The following PSME4 variants were observed in gnomAD, a reference collection of about 807,000 sequenced individuals.
PSME4 encodes the protein proteasome activator complex subunit 4.
In PSME4, 89 loss-of-function variants were observed where a neutral mutation model predicts 253.9. That is an observed-to-expected ratio of 0.35 (90% confidence interval 0.30 to 0.42). PSME4 has a LOEUF of 0.42. Among genes scored for constraint, PSME4 ranks in the 10% least tolerant of loss-of-function variants. PSME4 has a pLI of 1.00. For synonymous variants in PSME4, 851 were observed against 759.2 expected, an observed-to-expected ratio of 1.12 and a Z score of -1.99; for missense variants, 2,014 against 2,195.2, an observed-to-expected ratio of 0.92 and a Z score of 1.65.
chr2:53,919,381 C>A, intron 19 of PSME4, 135 bp from the exon 20 acceptor site: 1 of 1,205,846 alleles, frequency 8.3e-7, no homozygotes, highest in Non-Finnish European at 1.1e-6. Context: ...TTCAGTTTAC[C>A]AACTTAACAG....
chr2:53,866,319 C>T, intron 45 of PSME4, 96 bp from the exon 46 acceptor site: 2 of 1,320,970 alleles, frequency 1.5e-6, no homozygotes, highest in Non-Finnish European at 2.1e-6. Flanking sequence ...CTCTAGACTT[C>T]AGATCTCACA....
rs755914862 is a variant in PSME4, at chr2:53,866,127, G to C, written c.5494C>G (p.Leu1832Val). 1.2e-6 allele frequency: 2 copies of C among 1,613,328 alleles called. No homozygotes were observed. The highest frequency in any genetic ancestry group is 2.2e-5 in the East Asian group (1 of 44,870). ...CATGGTGACACAAGAAGATCGGTGA[G>C]AACAAGCAGTTGGTCATCAGTGAAT... ...QQFTDDQLLV[L>V]TDLLVSPCYY... Residue 1832 changes from leucine to valine, a missense_variant, in exon 46 of 47, where the codon CTC (leucine) becomes GTC (valine). Around this residue, in one of 4 missense-constraint regions of PSME4, gnomAD observed 403 missense variants for 556.1 expected, o/e 0.72. Transcript: ENST00000404125.
intron 3 of PSME4, among the ~76,000 whole-genome samples, chr2:53,947,266 T>C (rs546120648): frequency 7.2e-5 from 11 of 152,304 alleles, no homozygotes; most frequent in South Asian, 4.1e-4. Context: ...GGGTTAATCA[T>C]AGATTAAATG....
intron 2 of PSME4, 114 bp downstream of exon 2, chr2:53,949,029 T>A: frequency 7.5e-7 from 1 of 1,339,416 alleles, no homozygotes. Flanking sequence ...TGCAATCATT[T>A]TCCAAATTGG....
At chr2:53,899,019 A>G (rs1680268807) in intron 29 of PSME4, among the ~76,000 whole-genome samples, 1 of 151,606 alleles carries the variant, frequency 6.6e-6, no homozygotes, top group South Asian at 2.1e-4. Context: ...AAAACAAAAA[A>G]AGAAAGATAA....
At chr2:53,892,689 T>C in intron 36 of PSME4, 119 bp downstream of exon 36, 4 of 920,072 alleles carry the variant, frequency 4.3e-6, no homozygotes, top group Non-Finnish European at 6.4e-6. Flanking sequence ...TATCGGCATA[T>C]TTCATATCAC....
At chr2:53,908,183 TTA>T in intron 24 of PSME4, 135 bp downstream of exon 24, 1 of 638,214 alleles carries the variant, frequency 1.6e-6, no homozygotes, top group South Asian at 2.3e-5. Flanking sequence ...CATGATGTTT[TTA>T]ACTTTTACAT....
intron 2 of PSME4, 115 bp downstream of exon 2, chr2:53,949,028 T>G (rs953615671): frequency 3.9e-5 from 52 of 1,333,642 alleles, no homozygotes; most frequent in Middle Eastern, 1.9e-4. Flanking sequence ...TTGCAATCAT[T>G]TTCCAAATTG....
chr2:53,939,246 T>TATA (rs1669268446), intron 4 of PSME4, among the ~76,000 whole-genome samples: 1 of 152,192 alleles, frequency 6.6e-6, no homozygotes, highest in Non-Finnish European at 1.5e-5. Context: ...ATTACAAGCA[T>TATA]ATAATACATG....
intron 3 of PSME4, among the ~76,000 whole-genome samples, chr2:53,942,749 T>C (rs1250980539): frequency 6.6e-6 from 1 of 152,160 alleles, no homozygotes; most frequent in Non-Finnish European, 1.5e-5. Context: ...AATTAAACTT[T>C]TGTGCTTATT....
chr2:53,935,774 TTA>T (rs1421531183), intron 7 of PSME4, among the ~76,000 whole-genome samples: 4 of 152,164 alleles, frequency 2.6e-5, no homozygotes, highest in African/African-American at 7.2e-5. Context: ...TGTAAATTAT[TTA>T]TATATGTTTT....
chr2:53,873,252 A>G (rs930133118), intron 43 of PSME4, among the ~76,000 whole-genome samples: 1 of 151,948 alleles, frequency 6.6e-6, no homozygotes, highest in African/African-American at 2.4e-5. Context: ...AAAAAAGAAA[A>G]AAAAAAACAG....
chr2:53,882,909 A>T (rs1030729097), intron 41 of PSME4, among the ~76,000 whole-genome samples: 12 of 149,552 alleles, frequency 8.0e-5, no homozygotes, highest in African/African-American at 2.9e-4. Context: ...ACAAAAAAAA[A>T]TAAATAAATA....
intron 1 of PSME4, among the ~76,000 whole-genome samples, chr2:53,964,840 T>C (rs1446585469): frequency 6.6e-6 from 1 of 152,226 alleles, no homozygotes; most frequent in African/African-American, 2.4e-5. Context: ...ATCAAATACA[T>C]TATGTGGTTT....
At chr2:53,954,918 G>A (rs376455435) in intron 1 of PSME4, among the ~76,000 whole-genome samples, 44 of 151,976 alleles carry the variant, frequency 2.9e-4, no homozygotes, top group Admixed American at 2.9e-3. Flanking sequence ...TGTGGCTCAC[G>A]TCTATAATCC....
chr2:53,874,427 T>C lies in PSME4; in HGVS notation c.5012A>G (p.Tyr1671Cys). 6.2e-7 allele frequency: 1 copy of C among 1,613,992 alleles called. No homozygotes were observed. The highest frequency in any genetic ancestry group is 8.5e-7 in the Non-Finnish European group (1 of 1,179,896). ...VLTYLQTMVF[Y>C]NLFIFLNNED... ...ATTGTTTAGGAAAATAAAGAGGTTA[T>C]AAAATACCATGGTCTGGAGGTAGGT... Residue 1671 changes from tyrosine to cysteine, a missense_variant, in exon 43 of 47, where the codon TAT becomes TGT. Physicochemically the swap from Tyr to Cys is radical, Grantham distance 194 (BLOSUM62 -2). Coordinates refer to ENST00000404125, the MANE Select transcript of PSME4 (RefSeq NM_014614.3).
At chr2:53,933,694 T>C (rs958973119) in intron 8 of PSME4, among the ~76,000 whole-genome samples, 1 of 152,184 alleles carries the variant, frequency 6.6e-6, no homozygotes. Flanking sequence ...ATTTTCACAC[T>C]TAACACAAAA....
Position 53,970,928 on chromosome 2 carries a change from C to T in PSME4, c.-144G>A, listed in dbSNP as rs917187874. On this transcript the variant is annotated 5_prime_UTR_variant, in exon 1 of 47. Transcript: ENST00000404125. ...CTCGGACCGATCGCTAGGCCCCCTT[C>T]CCTGGCCGGCGTGCTGCTGGGCCCC... The T allele has an allele frequency of 6.6e-5, 42 of 639,920 alleles. No homozygotes were observed. The highest frequency in any genetic ancestry group is 9.4e-5 in the Non-Finnish European group (39 of 413,876). The allele number at this position is 639,920 out of a possible 1,614,324, so 39.6% of individuals were successfully genotyped here. A position where few individuals can be genotyped will look rare whatever the true frequency, so the allele number is the denominator to read the frequency against.
Position 53,920,891 on chromosome 2 carries a change from T to G in PSME4, c.2260A>C (p.Lys754Gln), listed in dbSNP as rs1368875477. Residue 754 changes from lysine (K) to glutamine (Q), a missense_variant and splice_region_variant, in exon 18 of 47, where the codon AAG becomes CAG. This residue lies in a region of PSME4 where 989 missense variants were observed against 1,021.1 expected (regional missense o/e 0.97). Coordinates refer to ENST00000404125, the MANE Select transcript of PSME4 (RefSeq NM_014614.3). ...CCTAAAGTACTGAAAATGCTTGCCT[T>G]GATAGGAAAGTATTCAGAAGGAGGC... ...DKPPSEYFPI[K>Q]DWGKPGDLWN... 1 of 1,591,588 alleles carries G rather than the reference T, an allele frequency of 6.3e-7. No individual in the cohort carries two copies. The highest frequency in any genetic ancestry group is 1.1e-5 in the South Asian group (1 of 90,440).
Sources: allele counts gnomAD v4.1 joint callset (sites outside exome capture counted in the v4.1 genomes callset), GRCh38; gene constraint gnomAD v4.1.1; regional missense constraint gnomAD v4.1.1; transcripts MANE v1.5; gene names NCBI Gene and HGNC (gene_info 2026-07-23, HGNC 2026-07-21).